Variants in CD8B2 observed in about 807,000 individuals in gnomAD.
CD8B2 encodes CD8B family member 2.
A neutral mutation model predicts 23.7 loss-of-function variants in CD8B2; 11 were observed. The ratio of observed to expected loss-of-function variants is 0.46; its 90% CI spans 0.29 to 0.77. CD8B2 has a LOEUF of 0.77. Among genes scored for constraint, CD8B2 ranks in the 30% least tolerant of loss-of-function variants. CD8B2 has a pLI of 0.09. For missense variants in CD8B2, 197 were observed against 270.5 expected, an observed-to-expected ratio of 0.73 and a Z score of 1.91; for synonymous variants, 90 against 109.3, an observed-to-expected ratio of 0.82 and a Z score of 1.10.
intron 5 of CD8B2, among the ~76,000 whole-genome samples, chr2:106,541,757 A>C (rs1680177338): frequency 6.6e-6 from 1 of 152,220 alleles, no homozygotes; most frequent in South Asian, 2.1e-4. Flanking sequence ...GGCATTGTGA[A>C]AGGCATTCTT....
rs1276301830 is a variant in CD8B2 at position 106,525,098 on chromosome 2, C to G, written c.621-18894C>G. On this transcript the variant is annotated intron_variant, in intron 5 of 5. Coordinates refer to the CD8B2 transcript ENST00000416057. ...TCTTTCTGAGGTTTTTCTTTGCCCT[C>G]TGGCTCAGGTCTGTTTGTTGTCTAA... Among the ~76,000 whole-genome samples the G allele has an allele frequency of 2.0e-5, 3 of 152,216 alleles. No homozygotes were observed. The East Asian group carries it at 5.8e-4, about 29-fold the overall frequency.
intron 2 of CD8B2, among the ~76,000 whole-genome samples, chr2:106,495,254 G>A (rs1349015518): frequency 2.7e-5 from 4 of 149,304 alleles, no homozygotes; most frequent in Admixed American, 6.6e-5. Context: ...TAGGTCGGCC[G>A]GGTGCGGTGG....
chr2:106,520,649 T>C (rs2104568172), intron 5 of CD8B2, among the ~76,000 whole-genome samples: 1 of 152,282 alleles, frequency 6.6e-6, no homozygotes, highest in South Asian at 2.1e-4. Flanking sequence ...CTCAGCACTT[T>C]GGGAGGCCGA....
chr2:106,502,018 G>A (rs1679417303), intron 3 of CD8B2, among the ~76,000 whole-genome samples: 1 of 151,998 alleles, frequency 6.6e-6, no homozygotes, highest in South Asian at 2.1e-4. Context: ...GACGATGGCT[G>A]GACATGGTGG....
At chr2:106,527,239 C>T (rs974399142) in intron 5 of CD8B2, among the ~76,000 whole-genome samples, 1 of 152,132 alleles carries the variant, frequency 6.6e-6, no homozygotes, top group African/African-American at 2.4e-5. Flanking sequence ...GCACTTGTTA[C>T]TTTTTTCTTA....
downstream of CD8B2, among the ~76,000 whole-genome samples, chr2:106,512,323 C>T (rs879811501): frequency 1.1e-4 from 16 of 152,292 alleles, no homozygotes; most frequent in East Asian, 3.9e-4. Context: ...GCAATCCATC[C>T]GCCTCGGCCT....
chr2:106,505,650 C>T (rs1010604510), intron 5 of CD8B2, among the ~76,000 whole-genome samples: 58 of 152,202 alleles, frequency 3.8e-4, no homozygotes, highest in African/African-American at 1.3e-3. Flanking sequence ...TTACTATATG[C>T]TCTGCACTGT....
At chr2:106,540,182 C>A (rs539816461) in intron 5 of CD8B2, among the ~76,000 whole-genome samples, 1 of 150,828 alleles carries the variant, frequency 6.6e-6, no homozygotes, top group South Asian at 2.1e-4. Context: ...TTTATGTAGA[C>A]CTCTCAAATT....
Position 106,507,235 on chromosome 2 carries a change from T to C in CD8B2, c.*295T>C. ...ATGCCACCGCTTCCGGCTCCTGTGC[T>C]TTCCCTGAGCTGGGACCTTTAGTGG... is the stretch of plus-strand genomic sequence containing the variant. On this transcript the variant is annotated 3_prime_UTR_variant, in exon 6 of 6. Coordinates refer to ENST00000643224, the MANE Select transcript of CD8B2 (RefSeq NM_001349727.2). The C allele has an allele frequency of 8.2e-7, 1 of 1,220,260 alleles. No individual in the cohort carries two copies. Among genetic ancestry groups the C allele is most frequent in the Non-Finnish European group, 1.0e-6 (1 of 975,260 alleles). The allele number at this position is 1,220,260 out of a possible 1,614,324, so 75.6% of individuals were successfully genotyped here.
chr2:106,533,495 T>C (rs1680041810), intron 5 of CD8B2, among the ~76,000 whole-genome samples: 1 of 152,102 alleles, frequency 6.6e-6, no homozygotes, highest in African/African-American at 2.4e-5. Context: ...AGAGACCCCG[T>C]GCTACACAGG....
intron 5 of CD8B2, among the ~76,000 whole-genome samples, chr2:106,524,519 G>A (rs1241750086): frequency 6.6e-6 from 1 of 152,150 alleles, no homozygotes; most frequent in Admixed American, 6.5e-5. Flanking sequence ...CATCACCTGA[G>A]TCTCTTGTTT....
At chr2:106,489,771 T>A (rs907653194) in intron 1 of CD8B2, among the ~76,000 whole-genome samples, 2 of 152,126 alleles carry the variant, frequency 1.3e-5, no homozygotes, top group Admixed American at 1.3e-4. Context: ...CAGTGTGCTT[T>A]TTTGGACAGC....
At position 106,502,469 on chromosome 2, in the gene CD8B2, T is replaced by A. The variant is rs1679428751; in HGVS notation, c.494-5T>A. The A allele has an allele frequency of 1.3e-6, 2 of 1,547,924 alleles. No homozygotes were observed. Among genetic ancestry groups the A allele is most frequent in the East Asian group, 4.7e-5 (2 of 42,354 alleles). ...TTGAACACATGTCACATGTGTGTTT[T>A]CCAGGCCCACTTTGTAGCCCCGTCA... On this transcript the variant is annotated splice_polypyrimidine_tract_variant and splice_region_variant and intron_variant, in intron 3 of 5. Transcript: ENST00000643224.
chr2:106,500,514 C>T (rs528154642), intron 3 of CD8B2, among the ~76,000 whole-genome samples: 2 of 108,942 alleles, frequency 1.8e-5, no homozygotes, highest in South Asian at 5.8e-4. Context: ...AGCAAAACTC[C>T]GTCTCAAAAA....
At chr2:106,502,158 T>A (rs1397341458) in intron 3 of CD8B2, among the ~76,000 whole-genome samples, 3 of 151,796 alleles carry the variant, frequency 2.0e-5, no homozygotes, top group African/African-American at 7.3e-5. Flanking sequence ...TAGCCAGGCA[T>A]GGTGGCACAT....
At chr2:106,512,641 C>T (rs537094948), downstream of CD8B2, among the ~76,000 whole-genome samples, 6 of 152,046 alleles carry the variant, frequency 3.9e-5, no homozygotes, top group South Asian at 8.3e-4. Context: ...GATGAGGTCT[C>T]GCTATGTTGC....
chr2:106,519,527 G>A (rs367614455), intron 5 of CD8B2, among the ~76,000 whole-genome samples: 9 of 152,340 alleles, frequency 5.9e-5, no homozygotes, highest in Middle Eastern at 3.4e-3. Context: ...GATGGAGAGC[G>A]TTCCTGACTA....
chr2:106,489,640 C>T (rs1469625344), intron 1 of CD8B2, among the ~76,000 whole-genome samples: 1 of 152,194 alleles, frequency 6.6e-6, no homozygotes, highest in Admixed American at 6.5e-5. Context: ...AGCTGTGCAG[C>T]CTTGGTGTGT....
intron 5 of CD8B2, among the ~76,000 whole-genome samples, chr2:106,529,823 A>T (rs919480765): frequency 1.3e-5 from 2 of 152,174 alleles, no homozygotes; most frequent in African/African-American, 4.8e-5. Context: ...TCACTGAGGG[A>T]GCTCTGTCTT....
Sources: gnomAD v4.1 joint callset for allele counts (sites outside exome capture counted in the v4.1 genomes callset) on GRCh38, gnomAD v4.1.1 for gene constraint, MANE v1.5 for transcripts, NCBI Gene and HGNC (gene_info 2026-07-23, HGNC 2026-07-21) for gene names.